PAMR1: variants seen among roughly 807,000 people sequenced by gnomAD.
The protein encoded by PAMR1 is peptidase domain containing associated with muscle regeneration 1, also known as inactive serine protease PAMR1.
In PAMR1, 88 loss-of-function variants were observed where a neutral mutation model predicts 81.8. The observed-to-expected ratio is 1.08, with a 90% CI of 0.91 to 1.28. The LOEUF is 1.28. Among genes scored for constraint, PAMR1 ranks in the 50% most tolerant of loss-of-function variants. The probability of loss-of-function intolerance (pLI) is 0.00; values close to 1 mark genes in which losing one functional copy is unlikely to be tolerated. For missense variants in PAMR1, 935 were observed against 919.7 expected (o/e 1.02, Z -0.21); for synonymous variants, 336 against 345.3 (o/e 0.97, Z 0.30).
chr11:35,487,812 G>A (rs377449568), intron 3 of PAMR1, among the ~76,000 whole-genome samples: 41 of 152,268 alleles, frequency 2.7e-4, no homozygotes, highest in Non-Finnish European at 4.9e-4. Flanking sequence ...CAAAGTGTAC[G>A]GCCTCAGGCA....
chr11:35,467,483 A>G (rs1000094089), intron 6 of PAMR1, among the ~76,000 whole-genome samples: 12 of 152,246 alleles, frequency 7.9e-5, no homozygotes, highest in Non-Finnish European at 1.3e-4. Context: ...GTGTTAAAAC[A>G]TGACCATATA....
chr11:35,519,547 C>A (rs1384645905), intron 1 of PAMR1, among the ~76,000 whole-genome samples: 1 of 152,198 alleles, frequency 6.6e-6, no homozygotes, highest in African/African-American at 2.4e-5. Flanking sequence ...CTACTGGGAG[C>A]AAGGTACATG....
At chr11:35,504,146 CT>C (rs1353671898) in intron 1 of PAMR1, among the ~76,000 whole-genome samples, 2 of 151,798 alleles carry the variant, frequency 1.3e-5, no homozygotes, top group East Asian at 3.9e-4. Context: ...GGTTTTTGTT[CT>C]TGATTTTTTT....
At chr11:35,495,808 A>G (rs1850717189) in intron 1 of PAMR1, among the ~76,000 whole-genome samples, 1 of 152,230 alleles carries the variant, frequency 6.6e-6, no homozygotes, top group African/African-American at 2.4e-5. Flanking sequence ...ATCATCATCT[A>G]TCTTAGCCTC....
chr11:35,478,228 C>T (rs964600743), intron 3 of PAMR1, among the ~76,000 whole-genome samples: 1 of 152,164 alleles, frequency 6.6e-6, no homozygotes, highest in Non-Finnish European at 1.5e-5. Context: ...CTTGGCACAT[C>T]CATTTGGGCT....
chr11:35,497,404 G>T (rs947075005), intron 1 of PAMR1, among the ~76,000 whole-genome samples: 1 of 152,134 alleles, frequency 6.6e-6, no homozygotes, highest in African/African-American at 2.4e-5. Context: ...TAGATTAAAG[G>T]TTACCAGGAG....
intron 3 of PAMR1, among the ~76,000 whole-genome samples, chr11:35,482,608 A>C (rs1179160528): frequency 1.3e-5 from 2 of 152,172 alleles, no homozygotes; most frequent in Non-Finnish European, 2.9e-5. Flanking sequence ...ATAACACTGA[A>C]TTTATAAGTA....
chr11:35,471,673 G>C (rs1038516956), intron 4 of PAMR1, among the ~76,000 whole-genome samples: 4 of 152,182 alleles, frequency 2.6e-5, no homozygotes, highest in African/African-American at 9.7e-5. Flanking sequence ...TTATCCAAAA[G>C]GGGTCTTGGG....
chr11:35,515,655 T>G (rs1851148935), intron 1 of PAMR1, among the ~76,000 whole-genome samples: 2 of 152,140 alleles, frequency 1.3e-5, no homozygotes, highest in African/African-American at 4.8e-5. Context: ...AACCACCTGT[T>G]CTATAAGACA....
rs1850680633 is a variant in PAMR1 at position 35,494,224 on chromosome 11, A to G, written c.122T>C (p.Met41Thr). Residue 41 changes from methionine (M) to threonine (T), a missense_variant, in exon 2 of 11, where the codon ATG (methionine) becomes ACG (threonine). Met to Thr is a moderately conservative substitution (Grantham distance 81, BLOSUM62 -1). Coordinates refer to ENST00000619888, the MANE Select transcript of PAMR1 (RefSeq NM_001001991.3). Reference sequence around the variant, plus strand: ...ATCATATTCACAGCACTCCCGACACATGATATTCCACTCTGCTCCAGGGCA... The same window carrying G: ...ATCATATTCACAGCACTCCCGACACGTGATATTCCACTCTGCTCCAGGGCA... ...EACPGAEWNIMCRECCEYDQI... is the reference protein window; with the variant it reads ...EACPGAEWNITCRECCEYDQI... The G allele has an allele frequency of 6.2e-7, 1 of 1,614,154 alleles. No homozygotes were observed. The highest frequency in any genetic ancestry group is 1.3e-5 in the African/African-American group (1 of 75,044).
At chr11:35,497,848 T>C (rs761592996) in intron 1 of PAMR1, among the ~76,000 whole-genome samples, 3 of 152,220 alleles carry the variant, frequency 2.0e-5, no homozygotes, top group Non-Finnish European at 4.4e-5. Flanking sequence ...TATAACTCAA[T>C]ACAGCTTTCT....
intron 6 of PAMR1, among the ~76,000 whole-genome samples, chr11:35,464,629 A>G (rs1856725010): frequency 6.6e-6 from 1 of 152,194 alleles, no homozygotes. Flanking sequence ...CCTGGTTGAG[A>G]ACCACTGATT....
chr11:35,509,022 C>T (rs1048034729), intron 1 of PAMR1, among the ~76,000 whole-genome samples: 1 of 152,122 alleles, frequency 6.6e-6, no homozygotes, highest in Non-Finnish European at 1.5e-5. Context: ...TATGAGAACA[C>T]CATCATATAT....
At chr11:35,452,259 C>G (rs1395826384) in intron 6 of PAMR1, among the ~76,000 whole-genome samples, 1 of 151,810 alleles carries the variant, frequency 6.6e-6, no homozygotes, top group Non-Finnish European at 1.5e-5. Context: ...AAATCAGATA[C>G]CACTGAAGAG....
At chr11:35,495,854 A>G (rs1590375817) in intron 1 of PAMR1, among the ~76,000 whole-genome samples, 1 of 152,366 alleles carries the variant, frequency 6.6e-6, no homozygotes, top group South Asian at 2.1e-4. Flanking sequence ...TAGAAGGCAG[A>G]CACTCGCACA....
At chr11:35,525,918 G>A (rs926253799), upstream of PAMR1, 25 of 387,926 alleles carry the variant, frequency 6.4e-5, no homozygotes, top group African/African-American at 3.9e-4. Flanking sequence ...TGGGTGCTGG[G>A]AGGAGGGGCC....
chr11:35,470,369 C>T (rs1418600222), intron 5 of PAMR1, among the ~76,000 whole-genome samples: 2 of 152,196 alleles, frequency 1.3e-5, no homozygotes, highest in Non-Finnish European at 1.5e-5. Flanking sequence ...TCAGCCTCTC[C>T]GTGCTTTAGC....
upstream of PAMR1, chr11:35,530,248 C>T (rs1851442028): frequency 6.6e-6 from 1 of 152,256 alleles, no homozygotes; most frequent in African/African-American, 2.4e-5. Flanking sequence ...AGGGCCCTTC[C>T]ACTGGAGCCT....
intron 6 of PAMR1, among the ~76,000 whole-genome samples, chr11:35,461,907 G>A (rs187986333): frequency 2.6e-5 from 4 of 152,226 alleles, no homozygotes; most frequent in African/African-American, 7.2e-5. Context: ...TAATAGCCAC[G>A]GATTCCTTGG....
Sources: allele counts gnomAD v4.1 joint callset (sites outside exome capture counted in the v4.1 genomes callset), GRCh38; gene constraint gnomAD v4.1.1; transcripts MANE v1.5; gene names NCBI Gene and HGNC (gene_info 2026-07-23, HGNC 2026-07-21).